Variants in FRMD5 observed in about 807,000 individuals in gnomAD.
FRMD5 encodes FERM domain containing 5.
In FRMD5, 20 loss-of-function variants were observed where a neutral mutation model predicts 69.0. The observed-to-expected ratio is 0.29, with a 90% CI of 0.20 to 0.42. FRMD5 has a LOEUF of 0.42. FRMD5 is among the 10% of genes least tolerant of loss of function. The probability of loss-of-function intolerance (pLI) is 1.00; values close to 1 mark genes in which losing one functional copy is unlikely to be tolerated. For missense variants in FRMD5, 595 were observed against 708.6 expected, an observed-to-expected ratio of 0.84 and a Z score of 1.82; for synonymous variants, 271 against 260.1, an observed-to-expected ratio of 1.04 and a Z score of -0.40.
At chr15:43,915,877 A>G in intron 4 of FRMD5, among the ~76,000 whole-genome samples, 1 of 152,204 alleles carries the variant, frequency 6.6e-6, no homozygotes, top group East Asian at 1.9e-4. Context: ...GCAAGGTGGG[A>G]TGGAGGGCTC....
At chr15:44,118,383 G>T (rs1204609670) in intron 1 of FRMD5, among the ~76,000 whole-genome samples, 1 of 151,874 alleles carries the variant, frequency 6.6e-6, no homozygotes, top group Non-Finnish European at 1.5e-5. Flanking sequence ...GGTCTTTCTG[G>T]GGCTCTAAAA....
At chr15:44,076,002 T>C (rs1433541693) in intron 1 of FRMD5, among the ~76,000 whole-genome samples, 1 of 152,208 alleles carries the variant, frequency 6.6e-6, no homozygotes, top group Admixed American at 6.5e-5. Context: ...GCCCACTTTT[T>C]GATGGGGTTG....
chr15:44,155,021 A>C (rs2077504622), intron 1 of FRMD5, among the ~76,000 whole-genome samples: 1 of 152,254 alleles, frequency 6.6e-6, no homozygotes, highest in African/African-American at 2.4e-5. Flanking sequence ...ACTCAATATC[A>C]TTAGGCATCA....
At chr15:44,013,666 A>G (rs1372295568) in intron 1 of FRMD5, among the ~76,000 whole-genome samples, 4 of 152,116 alleles carry the variant, frequency 2.6e-5, no homozygotes, top group African/African-American at 9.7e-5. Flanking sequence ...AATCTCTCCT[A>G]TGGTTCATTC....
intron 1 of FRMD5, among the ~76,000 whole-genome samples, chr15:44,017,568 A>G (rs1374515419): frequency 1.3e-5 from 2 of 151,216 alleles, no homozygotes; most frequent in African/African-American, 4.9e-5. Context: ...TATTGAGCTG[A>G]TTTTGGGCAA....
In FRMD5 at chr15:43,873,132, T is replaced by G. The variant is rs1185886386; in HGVS notation, c.*753A>C. Reference sequence around the variant, plus strand: ...CTAGTTTCATTATACAAAACTATGGTGATGCCCACTAGGCTCTAGACTAAG... The same window carrying G: ...CTAGTTTCATTATACAAAACTATGGGGATGCCCACTAGGCTCTAGACTAAG... On this transcript the variant is annotated 3_prime_UTR_variant, in exon 14 of 14. Coordinates refer to ENST00000417257, the MANE Select transcript of FRMD5 (RefSeq NM_032892.5). The G allele has an allele frequency of 6.6e-7, 1 of 1,514,550 alleles. No homozygotes were observed. The highest frequency in any genetic ancestry group is 9.0e-7 in the Non-Finnish European group (1 of 1,117,192). 93.8% of individuals were successfully genotyped at this position (1,514,550 alleles called of 1,614,324 possible).
intron 1 of FRMD5, among the ~76,000 whole-genome samples, chr15:44,022,795 G>C (rs1418752386): frequency 6.6e-6 from 1 of 152,056 alleles, no homozygotes; most frequent in Admixed American, 6.6e-5. Flanking sequence ...ATGTGAAATG[G>C]AAGAGCCAGC....
At chr15:44,185,437 C>T (rs1011120013) in intron 1 of FRMD5, among the ~76,000 whole-genome samples, 13 of 152,178 alleles carry the variant, frequency 8.5e-5, no homozygotes, top group African/African-American at 3.1e-4. Flanking sequence ...ATTGCCAATC[C>T]ATGGAGTCCT....
chr15:43,934,909 T>C (rs541725475), intron 1 of FRMD5, among the ~76,000 whole-genome samples: 15 of 152,180 alleles, frequency 9.9e-5, no homozygotes, highest in Non-Finnish European at 1.9e-4. Flanking sequence ...AATAAAGATT[T>C]ATTTGTATGA....
chr15:43,902,182 G>A lies in FRMD5; in HGVS notation c.632C>T (p.Pro211Leu). 6.2e-7 allele frequency: 1 copy of A among 1,613,002 alleles called. No homozygotes were observed. The highest frequency in any genetic ancestry group is 8.5e-7 in the Non-Finnish European group (1 of 1,178,968). Reference protein sequence around the residue: ...TLETYGVDPHPCKDVSGNAAF... With the variant: ...TLETYGVDPHLCKDVSGNAAF... ...CCAACCAGGGGGTCTTACCTTACAT[G>A]GGTGAGGATCCACTCCATATGTTTC... The change falls in exon 7 of 14, where the codon CCA (proline) becomes CTA (leucine). Residue 211 changes from proline (P) to leucine (L), a missense_variant. Pro to Leu is a moderately conservative substitution (Grantham distance 98). Coordinates refer to ENST00000417257, the MANE Select transcript of FRMD5 (RefSeq NM_032892.5).
At chr15:44,098,269 G>A (rs180672797) in intron 1 of FRMD5, among the ~76,000 whole-genome samples, 1 of 152,202 alleles carries the variant, frequency 6.6e-6, no homozygotes, top group Non-Finnish European at 1.5e-5. Context: ...GCTCACGCCT[G>A]TAATCCTAGC....
intron 1 of FRMD5, among the ~76,000 whole-genome samples, chr15:44,131,058 T>C (rs2077091012): frequency 6.6e-6 from 1 of 152,192 alleles, no homozygotes; most frequent in Admixed American, 6.5e-5. Flanking sequence ...AATCCTTCAA[T>C]TGCATTTATA....
chr15:43,911,570 G>A (rs977231842), intron 4 of FRMD5, among the ~76,000 whole-genome samples: 7 of 152,178 alleles, frequency 4.6e-5, no homozygotes, highest in African/African-American at 7.2e-5. Flanking sequence ...CTGCAACCTC[G>A]TGATTGACCC....
chr15:43,989,484 A>T, intron 1 of FRMD5: 1 of 855,938 alleles, frequency 1.2e-6, no homozygotes. Context: ...TCCAGGGAGG[A>T]GCTGGAGGCC....
At chr15:43,938,432 C>G (rs996114788) in intron 1 of FRMD5, among the ~76,000 whole-genome samples, 7 of 152,188 alleles carry the variant, frequency 4.6e-5, no homozygotes, top group Non-Finnish European at 1.5e-5. Context: ...TGCTCCAAAG[C>G]TCACATTCTT....
Position 44,098,316 on chromosome 15 carries a change from A to G in FRMD5, c.102+96637T>C, listed in dbSNP as rs559443474. 3.3e-3 allele frequency among the ~76,000 whole-genome samples: 496 copies of G among 152,054 alleles called. 2 individuals carry two copies. Among genetic ancestry groups the G allele is most frequent in the Middle Eastern group, 0.014 (4 of 292 alleles). The stretch of plus-strand genomic sequence containing the variant: ...CCAAGGCGGGCAGATCACGAGGTCA[A>G]GAGATCGAGACCATCCTAACCAACA... On this transcript the variant is annotated intron_variant, in intron 1 of 13. Coordinates refer to ENST00000417257, the MANE Select transcript of FRMD5 (RefSeq NM_032892.5).
chr15:43,884,034 C>CT (rs1255038738), intron 12 of FRMD5, among the ~76,000 whole-genome samples: 2 of 152,046 alleles, frequency 1.3e-5, no homozygotes, highest in Admixed American at 6.6e-5. Context: ...TCATCTGAAC[C>CT]TTTTTTTTAG....
At chr15:43,996,218 G>A (rs1426862459) in intron 1 of FRMD5, among the ~76,000 whole-genome samples, 2 of 152,212 alleles carry the variant, frequency 1.3e-5, no homozygotes, top group Non-Finnish European at 2.9e-5. Flanking sequence ...GCCTGGGGCT[G>A]CAGGATCTAG....
At chr15:43,966,591 A>G (rs2090299122) in intron 1 of FRMD5, among the ~76,000 whole-genome samples, 1 of 152,170 alleles carries the variant, frequency 6.6e-6, no homozygotes, top group Non-Finnish European at 1.5e-5. Flanking sequence ...AGAAGGAGGG[A>G]TGAGGCTGAT....
Sources: gnomAD v4.1 joint callset for allele counts (sites outside exome capture counted in the v4.1 genomes callset) on GRCh38, gnomAD v4.1.1 for gene constraint, MANE v1.5 for transcripts, NCBI Gene and HGNC (gene_info 2026-07-23, HGNC 2026-07-21) for gene names.